Variants in GRIK2 observed in about 807,000 individuals in gnomAD.
The protein encoded by GRIK2 is glutamate receptor ionotropic, kainate 2.
A neutral mutation model predicts 100.3 loss-of-function variants in GRIK2; 32 were observed. That is an observed-to-expected ratio of 0.32 (90% CI 0.24 to 0.43). The LOEUF is 0.43. Ranked by LOEUF, GRIK2 falls within the 20% of genes least tolerant of loss-of-function variation. GRIK2 has a pLI of 1.00. For synonymous variants in GRIK2, 417 were observed against 389.4 expected, an observed-to-expected ratio of 1.07 and a Z score of -0.83; for missense variants, 843 against 1,114.9, an observed-to-expected ratio of 0.76 and a Z score of 3.47.
At chr6:101,692,176 T>C (rs1772157096) in intron 7 of GRIK2, among the ~76,000 whole-genome samples, 1 of 152,122 alleles carries the variant, frequency 6.6e-6, no homozygotes, top group Non-Finnish European at 1.5e-5. Flanking sequence ...TTGCTTGTCT[T>C]AATTAATTTT....
intron 14 of GRIK2, among the ~76,000 whole-genome samples, chr6:102,005,008 A>G (rs1206286186): frequency 6.6e-6 from 1 of 151,784 alleles, no homozygotes; most frequent in East Asian, 1.9e-4. Context: ...GCCTATATTT[A>G]TTAATACTCT....
chr6:101,757,874 G>A (rs986355614), intron 7 of GRIK2, among the ~76,000 whole-genome samples: 9 of 152,164 alleles, frequency 5.9e-5, no homozygotes, highest in Non-Finnish European at 2.9e-5. Context: ...CATTTTAGTA[G>A]TTTTTTTCTG....
chr6:101,887,866 C>G (rs1786765258), intron 11 of GRIK2, among the ~76,000 whole-genome samples: 2 of 152,070 alleles, frequency 1.3e-5, no homozygotes, highest in African/African-American at 4.8e-5. Context: ...CCCGCCAAGC[C>G]CGACCTTCAA....
At chr6:101,400,850 T>C (rs1206267639) in intron 2 of GRIK2, among the ~76,000 whole-genome samples, 1 of 152,188 alleles carries the variant, frequency 6.6e-6, no homozygotes, top group Non-Finnish European at 1.5e-5. Context: ...GGATTCCCAC[T>C]GTAGTAGTTT....
intron 2 of GRIK2, among the ~76,000 whole-genome samples, chr6:101,532,128 T>C (rs1271123558): frequency 6.6e-6 from 1 of 151,930 alleles, no homozygotes; most frequent in Non-Finnish European, 1.5e-5. Flanking sequence ...TTGGTCTATC[T>C]ATCTAATTTC....
At chr6:101,459,138 A>T (rs1771164582) in intron 2 of GRIK2, among the ~76,000 whole-genome samples, 1 of 152,000 alleles carries the variant, frequency 6.6e-6, no homozygotes, top group African/African-American at 2.4e-5. Context: ...TTTCTTGACC[A>T]GAAGCAGAAA....
At chr6:101,696,705 G>T (rs1772512642) in intron 7 of GRIK2, among the ~76,000 whole-genome samples, 1 of 151,760 alleles carries the variant, frequency 6.6e-6, no homozygotes, top group African/African-American at 2.4e-5. Flanking sequence ...TCATGGGGCA[G>T]TTATCATCTT....
In GRIK2 at chr6:101,698,027, G is replaced by A. The variant is rs776173712; in HGVS notation, c.951+11674G>A. ...TTTTGATCCCTGTTTATACAAAAGC[G>A]ACAACTGAATAAGAATGCAACTGTG... On this transcript the variant is annotated intron_variant, in intron 7 of 16. Coordinates refer to ENST00000369134, the MANE Select transcript of GRIK2 (RefSeq NM_021956.5). Among the ~76,000 whole-genome samples, 5 of 152,040 alleles carry A rather than the reference G, an allele frequency of 3.3e-5. No homozygotes were observed. The South Asian group carries it at 6.2e-4, about 19-fold the overall frequency.
At position 101,551,655 on chromosome 6, in the gene GRIK2, A is replaced by G. The variant is rs141659610; in HGVS notation, c.116-70294A>G. Reference sequence around the variant, plus strand: ...GGACTCTTGGAACATAGAAGCGAACAAGGAAGACAAAGCCTCTGCCCCTAT... The same window carrying G: ...GGACTCTTGGAACATAGAAGCGAACGAGGAAGACAAAGCCTCTGCCCCTAT... On this transcript the variant is annotated intron_variant, in intron 2 of 16. Coordinates refer to ENST00000369134, the MANE Select transcript of GRIK2 (RefSeq NM_021956.5). Among the ~76,000 whole-genome samples, 517 of 152,274 alleles carry G rather than the reference A, an allele frequency of 3.4e-3. 2 individuals are homozygous for G. The highest frequency in any genetic ancestry group is 6.0e-3 in the Non-Finnish European group (405 of 68,012).
chr6:101,767,028 C>T (rs1464002072), intron 7 of GRIK2, among the ~76,000 whole-genome samples: 11 of 152,102 alleles, frequency 7.2e-5, no homozygotes, highest in African/African-American at 2.7e-4. Flanking sequence ...ACTCCTACTT[C>T]TGGTTGACTT....
intron 11 of GRIK2, among the ~76,000 whole-genome samples, chr6:101,860,095 A>G (rs1463642345): frequency 2.0e-5 from 3 of 152,008 alleles, no homozygotes; most frequent in African/African-American, 7.2e-5. Context: ...CCTTAAGCAT[A>G]CAGGGTTTGG....
rs679372 is a variant in GRIK2, at chr6:101,615,664, A to T, written c.116-6285A>T. ...CAATCCTGACATTATAATAAAAAGA[A>T]TAATTCTAGGAGAAAACAGTTTTAT... On this transcript the variant is annotated intron_variant, in intron 2 of 16. Transcript: ENST00000369134. Among the ~76,000 whole-genome samples, 978 of 151,924 alleles carry T rather than the reference A, an allele frequency of 6.4e-3. 13 individuals are homozygous for T. Among genetic ancestry groups the T allele is most frequent in the African/African-American group, 0.023 (955 of 41,520 alleles).
intron 15 of GRIK2, among the ~76,000 whole-genome samples, chr6:102,051,856 C>T (rs1276457144): frequency 6.6e-6 from 1 of 152,138 alleles, no homozygotes; most frequent in Non-Finnish European, 1.5e-5. Context: ...AAGTTAGAGG[C>T]CCCTTGAAAA....
chr6:101,723,187 C>T (rs1583024078), intron 7 of GRIK2, among the ~76,000 whole-genome samples: 1 of 151,946 alleles, frequency 6.6e-6, no homozygotes, highest in African/African-American at 2.4e-5. Flanking sequence ...TCTCCATGGC[C>T]AGGGTTGATA....
chr6:101,865,460 C>CA (rs1784991500), intron 11 of GRIK2, among the ~76,000 whole-genome samples: 1 of 152,070 alleles, frequency 6.6e-6, no homozygotes, highest in Non-Finnish European at 1.5e-5. Flanking sequence ...GGTATTATCA[C>CA]AAAAATGGAA....
intron 2 of GRIK2, among the ~76,000 whole-genome samples, chr6:101,462,843 G>T (rs527444908): frequency 6.6e-6 from 1 of 152,172 alleles, no homozygotes; most frequent in Non-Finnish European, 1.5e-5. Flanking sequence ...CGAGGGTGGG[G>T]TTTAGTGAAA....
At chr6:101,560,587 ATAAT>A (rs1238909478) in intron 2 of GRIK2, among the ~76,000 whole-genome samples, 1 of 152,114 alleles carries the variant, frequency 6.6e-6, no homozygotes, top group Non-Finnish European at 1.5e-5. Context: ...AAAAAAATTG[ATAAT>A]TAAACAACAA....
At chr6:101,690,740 T>C (rs1562313351) in intron 7 of GRIK2, among the ~76,000 whole-genome samples, 1 of 152,148 alleles carries the variant, frequency 6.6e-6, no homozygotes, top group Non-Finnish European at 1.5e-5. Context: ...TCACCTTTGA[T>C]GTGTTGTCAC....
chr6:101,785,830 G>A (rs531942943), intron 7 of GRIK2, among the ~76,000 whole-genome samples: 5 of 151,680 alleles, frequency 3.3e-5, no homozygotes, highest in South Asian at 2.1e-4. Context: ...AATTTTAGAA[G>A]TTTTTTTTCT....
Sources: allele counts gnomAD v4.1 joint callset (sites outside exome capture counted in the v4.1 genomes callset), GRCh38; gene constraint gnomAD v4.1.1; transcripts MANE v1.5; gene names NCBI Gene and HGNC (gene_info 2026-07-23, HGNC 2026-07-21).